MDGA2: variants seen among roughly 807,000 people sequenced by gnomAD.
The protein encoded by MDGA2 is MAM domain-containing glycosylphosphatidylinositol anchor protein 2.
MDGA2 carries 40 observed loss-of-function variants against 117.8 expected under a neutral mutation model. That is an observed-to-expected ratio of 0.34 (90% CI 0.26 to 0.44). MDGA2 has a LOEUF of 0.44. Among genes scored for constraint, MDGA2 ranks in the 20% least tolerant of loss-of-function variants. The probability of loss-of-function intolerance (pLI) is 1.00; values close to 1 mark genes in which losing one functional copy is unlikely to be tolerated. For missense variants in MDGA2, 1,123 were observed against 1,250.6 expected (o/e 0.90, Z 1.54); for synonymous variants, 452 against 439.0 (o/e 1.03, Z -0.37).
intron 10 of MDGA2, among the ~76,000 whole-genome samples, chr14:46,909,886 T>C (rs548493499): frequency 2.6e-5 from 4 of 152,234 alleles, no homozygotes; most frequent in South Asian, 2.1e-4. Flanking sequence ...TTAAGATCTG[T>C]AGAACACAAA....
intron 1 of MDGA2, among the ~76,000 whole-genome samples, chr14:47,322,631 A>G (rs149793231): frequency 2.2e-4 from 33 of 152,282 alleles, no homozygotes; most frequent in African/African-American, 7.5e-4. Flanking sequence ...CCTGCACGTA[A>G]GTAACGTAAC....
intron 1 of MDGA2, among the ~76,000 whole-genome samples, chr14:47,608,245 T>C (rs1335683058): frequency 6.6e-6 from 1 of 152,162 alleles, no homozygotes. Flanking sequence ...CCTCGTGAAT[T>C]GCGCATCTTT....
At chr14:47,544,310 A>G (rs1895414025) in intron 1 of MDGA2, among the ~76,000 whole-genome samples, 1 of 152,186 alleles carries the variant, frequency 6.6e-6, no homozygotes, top group Admixed American at 6.5e-5. Context: ...CCTAAGGTAA[A>G]ATATACAATT....
At chr14:47,240,166 T>A (rs1051519918) in intron 2 of MDGA2, among the ~76,000 whole-genome samples, 7 of 151,652 alleles carry the variant, frequency 4.6e-5, no homozygotes, top group African/African-American at 1.7e-4. Flanking sequence ...TGCCTCAGCC[T>A]CCTCAGTAGC....
chr14:47,212,344 A>C (rs1335739360), intron 3 of MDGA2, among the ~76,000 whole-genome samples: 1 of 152,148 alleles, frequency 6.6e-6, no homozygotes. Flanking sequence ...TAAAATTTGG[A>C]ATGAAATTGG....
chr14:47,278,722 G>C (rs1329854311), intron 2 of MDGA2, among the ~76,000 whole-genome samples: 12 of 152,230 alleles, frequency 7.9e-5, no homozygotes, highest in Non-Finnish European at 1.5e-5. Context: ...ATACGCATAT[G>C]ACACACAATT....
intron 10 of MDGA2, among the ~76,000 whole-genome samples, chr14:46,915,465 C>G (rs1409685025): frequency 6.6e-6 from 1 of 152,102 alleles, no homozygotes; most frequent in Middle Eastern, 3.2e-3. Context: ...TCAATAAGAA[C>G]AGAGGGGCTA....
At chr14:47,635,271 G>A (rs993829001) in intron 1 of MDGA2, among the ~76,000 whole-genome samples, 4 of 151,836 alleles carry the variant, frequency 2.6e-5, no homozygotes, top group Non-Finnish European at 4.4e-5. Flanking sequence ...ACCTTAAGCA[G>A]GTCACTTATT....
At chr14:47,599,977 C>G (rs943641109) in intron 1 of MDGA2, among the ~76,000 whole-genome samples, 2 of 152,002 alleles carry the variant, frequency 1.3e-5, no homozygotes, top group Non-Finnish European at 2.9e-5. Flanking sequence ...AAAATAAGAG[C>G]TGATTTGGTT....
chr14:47,072,061 C>G (rs1890301558), intron 6 of MDGA2, among the ~76,000 whole-genome samples: 1 of 127,570 alleles, frequency 7.8e-6, no homozygotes, highest in African/African-American at 3.0e-5. Context: ...AGTTTATATT[C>G]TACGAAAATG....
chr14:47,361,384 C>T (rs1171641569), intron 1 of MDGA2, among the ~76,000 whole-genome samples: 3 of 151,978 alleles, frequency 2.0e-5, no homozygotes, highest in Admixed American at 6.5e-5. Context: ...CTTGGACTTC[C>T]AGCTCCAGAA....
At chr14:46,892,595 AACC>A (rs1882925314) in intron 10 of MDGA2, among the ~76,000 whole-genome samples, 1 of 152,014 alleles carries the variant, frequency 6.6e-6, no homozygotes, top group African/African-American at 2.4e-5. Context: ...ATCATGTGTG[AACC>A]ACATTATCAG....
rs551769362 is a variant in MDGA2 at position 47,459,121 on chromosome 14, C to T, written c.281-157571G>A. ...TGCAGAACATTTTATGCTGGAAATACACCTCCAGAAGGAAATGTGATGCCA... is the reference window on the plus strand; with the variant it reads ...TGCAGAACATTTTATGCTGGAAATATACCTCCAGAAGGAAATGTGATGCCA... On this transcript the variant is annotated intron_variant, in intron 1 of 16. Coordinates refer to ENST00000399232, the MANE Select transcript of MDGA2 (RefSeq NM_001113498.3). Among the ~76,000 whole-genome samples the T allele has an allele frequency of 2.2e-4, 34 of 152,010 alleles. No homozygotes were observed. The South Asian group carries it at 6.5e-3, about 29-fold the overall frequency.
At chr14:47,453,995 G>A (rs1024231906) in intron 1 of MDGA2, among the ~76,000 whole-genome samples, 1 of 152,030 alleles carries the variant, frequency 6.6e-6, no homozygotes, top group African/African-American at 2.4e-5. Context: ...GTTAAAAGAT[G>A]ATGTAGCAGA....
chr14:47,609,466 A>ATATATATATATATATATAT (rs1566539792), intron 1 of MDGA2, among the ~76,000 whole-genome samples: 21 of 20,770 alleles, frequency 1.0e-3, no homozygotes, highest in South Asian at 3.6e-3. Context: ...TATATATATA[A>ATATATATATATATATATAT]GTTTCTTTAT....
chr14:47,229,724 C>G (rs1886626034), intron 2 of MDGA2, among the ~76,000 whole-genome samples: 2 of 151,368 alleles, frequency 1.3e-5, no homozygotes, highest in Non-Finnish European at 3.0e-5. Flanking sequence ...AAAAATTAAA[C>G]TGGGCCTTTA....
At chr14:47,392,167 A>G (rs1220862588) in intron 1 of MDGA2, among the ~76,000 whole-genome samples, 1 of 152,222 alleles carries the variant, frequency 6.6e-6, no homozygotes, top group Non-Finnish European at 1.5e-5. Flanking sequence ...ACAAGAAAAT[A>G]AATAAATAGA....
intron 3 of MDGA2, among the ~76,000 whole-genome samples, chr14:47,200,112 ATTTAC>A (rs1410218955): frequency 6.6e-6 from 1 of 151,998 alleles, no homozygotes; most frequent in African/African-American, 2.4e-5. Flanking sequence ...ATATTTATAT[ATTTAC>A]TTGTATGTTG....
At chr14:47,318,106 C>T (rs2416044) in intron 1 of MDGA2, among the ~76,000 whole-genome samples, 145,375 of 152,154 alleles carry the variant, frequency 0.96, 69,476 homozygotes, top group East Asian at 1. Context: ...TCACTCCAAC[C>T]ACTGCAAAAG....
Sources: gnomAD v4.1 joint callset for allele counts (sites outside exome capture counted in the v4.1 genomes callset) on GRCh38, gnomAD v4.1.1 for gene constraint, MANE v1.5 for transcripts, NCBI Gene and HGNC (gene_info 2026-07-23, HGNC 2026-07-21) for gene names.